Variants in OLFM1 observed in about 807,000 individuals in gnomAD.
OLFM1 encodes olfactomedin 1.
OLFM1 carries 9 observed loss-of-function variants against 49.7 expected under a neutral mutation model. The ratio of observed to expected loss-of-function variants is 0.18; its 90% CI spans 0.11 to 0.32. The LOEUF (loss-of-function observed/expected upper bound fraction) is 0.32, where lower values mean the gene tolerates loss of function less well. OLFM1 is among the 10% of genes least tolerant of loss of function. The pLI is 1.00. For missense variants in OLFM1, 369 were observed against 661.8 expected (o/e 0.56, Z 4.85); for synonymous variants, 240 against 271.8 (o/e 0.88, Z 1.15).
chr9:135,103,797 C>G (rs1249618054), intron 4 of OLFM1, among the ~76,000 whole-genome samples: 1 of 152,168 alleles, frequency 6.6e-6, no homozygotes, highest in Non-Finnish European at 1.5e-5. Context: ...GTGGCAGGTG[C>G]TGTCCCAAAA....
At chr9:135,119,058 A>G (rs117541153) in intron 5 of OLFM1, among the ~76,000 whole-genome samples, 1,817 of 80,410 alleles carry the variant, frequency 0.023, no homozygotes, top group Middle Eastern at 0.061. Context: ...TGCTCACTGG[A>G]TCTTTGGAAG....
chr9:135,080,626 TC>T lies in OLFM1; in HGVS notation c.96+4828del, dbSNP rs1588200697. Among the ~76,000 whole-genome samples, 1 of 152,198 alleles carries T rather than the reference TC, an allele frequency of 6.6e-6. No homozygotes were observed. The highest frequency in any genetic ancestry group is 1.9e-4 in the East Asian group (1 of 5,176). ...CTTCTCATTCCACTGACTTCAACCT[TC>T]CCCAATCAGAAGAAAGGTAATTTCC... On this transcript the variant is annotated intron_variant, in intron 1 of 5. Transcript: ENST00000252854. This position sits in a 1 kb window ranked among gnomAD's most constrained non-coding sequence, Gnocchi z 4.5.
rs752462829 is a variant in OLFM1, at chr9:135,106,810, C to T, written c.738C>T (p.Phe246=). The change falls in exon 5 of 6, where the codon TTC becomes TTT. Residue 246 remains phenylalanine, a synonymous_variant. Coordinates refer to ENST00000371793, the MANE Select transcript of OLFM1 (RefSeq NM_001282611.2). ...CTGTCAAGACCTCCGGCTCGAGGTT[C>T]GGATCCTGGATGACAGACCCTCTCG... is the stretch of plus-strand genomic sequence containing the variant. ...PVTVKTSGSR[F]GSWMTDPLAP... is the part of the protein sequence containing the mutation. The T allele has an allele frequency of 1.9e-6, 3 of 1,613,342 alleles. No individual in the cohort carries two copies. The highest frequency in any genetic ancestry group is 2.5e-6 in the Non-Finnish European group (3 of 1,179,750).
intron 5 of OLFM1, among the ~76,000 whole-genome samples, chr9:135,114,138 T>C (rs1391157142): frequency 2.6e-5 from 3 of 117,302 alleles, no homozygotes; most frequent in African/African-American, 1.3e-4. Flanking sequence ...TTTTTTTTTT[T>C]TTTTTTTTTT....
At chr9:135,107,263 T>C (rs1830958867) in intron 5 of OLFM1, among the ~76,000 whole-genome samples, 1 of 152,232 alleles carries the variant, frequency 6.6e-6, no homozygotes, top group Non-Finnish European at 1.5e-5. Flanking sequence ...CATTAGGCCT[T>C]TCTTGTTTTA....
chr9:135,092,305 C>T (rs1436974243), intron 2 of OLFM1, among the ~76,000 whole-genome samples: 2 of 152,138 alleles, frequency 1.3e-5, no homozygotes, highest in Non-Finnish European at 2.9e-5. Flanking sequence ...GTTCTGTGTC[C>T]CAGTCCCTGT....
At chr9:135,110,669 A>C (rs1275922206) in intron 5 of OLFM1, among the ~76,000 whole-genome samples, 1 of 152,088 alleles carries the variant, frequency 6.6e-6, no homozygotes, top group African/African-American at 2.4e-5. Context: ...GTGAGGAGGG[A>C]CCTTCCCAGG....
upstream of OLFM1, among the ~76,000 whole-genome samples, chr9:135,083,539 A>C (rs7022098): frequency 0.22 from 33,247 of 152,120 alleles, 3,721 homozygotes; most frequent in African/African-American, 0.24. Context: ...CCCCAGGGCA[A>C]GTAGCTCCCC....
At chr9:135,115,203 G>C (rs190717255) in intron 5 of OLFM1, among the ~76,000 whole-genome samples, 1 of 152,334 alleles carries the variant, frequency 6.6e-6, no homozygotes, top group African/African-American at 2.4e-5. Flanking sequence ...TCTTCAGCCA[G>C]GGGTGCCATC....
chr9:135,077,306 GAC>G, intron 1 of OLFM1: 1 of 1,422,940 alleles, frequency 7.0e-7, no homozygotes, highest in Non-Finnish European at 9.2e-7. Context: ...GGTGGTCCTG[GAC>G]ATGGCCGCAC....
chr9:135,085,642 C>T (rs996244970), upstream of OLFM1, among the ~76,000 whole-genome samples: 4 of 152,234 alleles, frequency 2.6e-5, no homozygotes, highest in South Asian at 6.2e-4. Context: ...TAAGAGAAGT[C>T]GTGAAGAAAT....
chr9:135,095,710 G>A (rs919615821), intron 2 of OLFM1, among the ~76,000 whole-genome samples, 154 bp from the exon 3 acceptor site: 1 of 152,140 alleles, frequency 6.6e-6, no homozygotes. Flanking sequence ...CACAGTCCGC[G>A]ATGCTGGCGA....
intron 1 of OLFM1, chr9:135,076,118 C>A: frequency 1.3e-6 from 2 of 1,546,520 alleles, no homozygotes; most frequent in Non-Finnish European, 1.7e-6. Context: ...GGGTCTTTGG[C>A]TGCTATTGTC....
chr9:135,090,705 T>A (rs983386696), intron 2 of OLFM1, among the ~76,000 whole-genome samples: 1 of 152,086 alleles, frequency 6.6e-6, no homozygotes, highest in African/African-American at 2.4e-5. Flanking sequence ...GGCTCGTCTC[T>A]GAGTGATGTC....
In OLFM1 at chr9:135,090,355, G is replaced by T. The variant is rs753364937; in HGVS notation, c.300+11G>T. On this transcript the variant is annotated intron_variant, in intron 2 of 5. Transcript: ENST00000371793. The stretch of plus-strand genomic sequence containing the variant: ...CAGCTACTGGAGAAGGTGAGTCTGC[G>T]CAGAGTGTGTGAGTTTGTATGTGTG... 4 of 1,606,982 alleles carry T rather than the reference G, an allele frequency of 2.5e-6. No homozygotes were observed. Among genetic ancestry groups the T allele is most frequent in the Non-Finnish European group, 3.4e-6 (4 of 1,178,062 alleles).
In OLFM1 at chr9:135,113,333, C is replaced by A. The variant is rs1157792662; in HGVS notation, c.784-6171C>A. ...CACAGGTGGTCTTATGGCCTTCTTC[C>A]TTTGGGTGGTGCCTGGGCCTGATGA... On this transcript the variant is annotated intron_variant, in intron 5 of 5. Coordinates refer to ENST00000371793, the MANE Select transcript of OLFM1 (RefSeq NM_001282611.2). The surrounding 1 kb of genome is among the most constrained non-coding windows in gnomAD (Gnocchi z 4.0). Among the ~76,000 whole-genome samples, 3 of 152,134 alleles carry A rather than the reference C, an allele frequency of 2.0e-5. No homozygotes were observed. The highest frequency in any genetic ancestry group is 1.9e-4 in the East Asian group (1 of 5,178).
At chr9:135,107,139 G>C (rs1383076054) in intron 5 of OLFM1, among the ~76,000 whole-genome samples, 1 of 5,268 alleles carries the variant, frequency 1.9e-4, no homozygotes. Context: ...CGGTGGGCTG[G>C]GCTGGGCTGG....
intron 5 of OLFM1, among the ~76,000 whole-genome samples, chr9:135,107,140 G>T (rs1344748556): frequency 1.9e-4 from 1 of 5,276 alleles, no homozygotes; most frequent in Non-Finnish European, 4.7e-4. Flanking sequence ...GGTGGGCTGG[G>T]CTGGGCTGGG....
At chr9:135,089,870 T>C (rs1830655990) in intron 1 of OLFM1, among the ~76,000 whole-genome samples, 1 of 152,174 alleles carries the variant, frequency 6.6e-6, no homozygotes, top group African/African-American at 2.4e-5. Context: ...GGCCTCCAGT[T>C]GCCCCTCCCA....
Sources: allele counts gnomAD v4.1 joint callset (sites outside exome capture counted in the v4.1 genomes callset), GRCh38; gene constraint gnomAD v4.1.1; non-coding constraint Gnocchi (gnomAD v3.1); transcripts MANE v1.5; gene names NCBI Gene and HGNC (gene_info 2026-07-23, HGNC 2026-07-21).